Variants in GAREM2 observed in about 807,000 individuals in gnomAD.
GAREM2 encodes GRB2 associated regulator of MAPK1 subtype 2, also known as GRB2-associated and regulator of MAPK protein 2.
A neutral mutation model predicts 55.6 loss-of-function variants in GAREM2; 30 were observed. The ratio of observed to expected loss-of-function variants is 0.54; its 90% CI spans 0.40 to 0.73. GAREM2 has a LOEUF of 0.73. Among genes scored for constraint, GAREM2 ranks in the 30% least tolerant of loss-of-function variants. GAREM2 has a pLI of 0.00. For missense variants in GAREM2, 1,075 were observed against 1,257.7 expected, an observed-to-expected ratio of 0.85 and a Z score of 2.20; for synonymous variants, 550 against 569.1, an observed-to-expected ratio of 0.97 and a Z score of 0.48.
At chr2:26,185,316 A>G in intron 4 of GAREM2, 40 bp downstream of exon 4, 1 of 1,474,486 alleles carries the variant, frequency 6.8e-7, no homozygotes, top group Non-Finnish European at 8.9e-7. Flanking sequence ...GGGTCCAGCC[A>G]GGGCCCAAAG....
At position 26,187,687 on chromosome 2, in the gene GAREM2, C is replaced by G. The variant is rs1188417464; in HGVS notation, c.2055C>G (p.Pro685=). The G allele has an allele frequency of 6.7e-7, 1 of 1,496,030 alleles. No homozygotes were observed. Among genetic ancestry groups the G allele is most frequent in the South Asian group, 1.3e-5 (1 of 75,004 alleles). The allele number at this position is 1,496,030 out of a possible 1,614,324, so 92.7% of individuals were successfully genotyped here. A position where few individuals can be genotyped will look rare whatever the true frequency, so the allele number is the denominator to read the frequency against. ...CTGCTCCCCCCTCCTCCTGCGCCCC[C>G]TCCTCCTCCTCTTCTTCTGAATGGC... is the stretch of plus-strand genomic sequence containing the variant. ...YSAAPPSSCA[P]SSSSSSEWQE... Residue 685 remains proline (P), a synonymous_variant, in exon 6 of 6, where the codon CCC becomes CCG. Transcript: ENST00000401533.
intron 4 of GAREM2, 122 bp downstream of exon 4, chr2:26,185,398 G>A: frequency 7.4e-7 from 1 of 1,359,318 alleles, no homozygotes; most frequent in Non-Finnish European, 9.5e-7. Flanking sequence ...TGGGGAAGGG[G>A]AGAAGGAAAG....
At chr2:26,202,076 G>C in the GAREM2 span, among the ~76,000 whole-genome samples, 1 of 152,014 alleles carries the variant, frequency 6.6e-6, no homozygotes, top group African/African-American at 2.4e-5. Context: ...TGGGATTATA[G>C]GCGTGAGCCA....
At chr2:26,191,195 C>A (rs940093001), downstream of GAREM2, 5 of 1,559,284 alleles carry the variant, frequency 3.2e-6, no homozygotes, top group African/African-American at 5.4e-5. Flanking sequence ...GTTGGAGAAC[C>A]AGCACTGCCG....
downstream of GAREM2, among the ~76,000 whole-genome samples, chr2:26,193,020 G>C (rs1558314354): frequency 6.6e-6 from 1 of 152,116 alleles, no homozygotes; most frequent in Non-Finnish European, 1.5e-5. Flanking sequence ...TGATTTTGCT[G>C]TTTTGCCAAG....
downstream of GAREM2, chr2:26,190,661 T>G (rs1669464667): frequency 6.2e-6 from 1 of 160,302 alleles, no homozygotes; most frequent in Non-Finnish European, 1.4e-5. Flanking sequence ...AGGTTTAATA[T>G]CCCGGTACAC....
chr2:26,202,087 C>T, the GAREM2 span, among the ~76,000 whole-genome samples: 1 of 152,262 alleles, frequency 6.6e-6, no homozygotes, highest in East Asian at 1.9e-4. Flanking sequence ...GCGTGAGCCA[C>T]CGCGCCCAGC....
downstream of GAREM2, chr2:26,192,275 C>A (rs751176614): frequency 3.6e-6 from 4 of 1,103,500 alleles, no homozygotes; most frequent in Non-Finnish European, 5.6e-6. Context: ...CAGAGAAAGT[C>A]AATTTCCAGG....
chr2:26,178,494 G>C (rs57598158), intron 2 of GAREM2, among the ~76,000 whole-genome samples: 2,502 of 152,158 alleles, frequency 0.016, 84 homozygotes, highest in African/African-American at 0.057. Flanking sequence ...GAAGCCAGGT[G>C]GGGGGGATCC....
the GAREM2 span, among the ~76,000 whole-genome samples, chr2:26,196,648 CCTTA>C: frequency 6.6e-6 from 1 of 152,038 alleles, no homozygotes; most frequent in Non-Finnish European, 1.5e-5. Flanking sequence ...GTCTTTTTGG[CCTTA>C]CTTTTAAATG....
chr2:26,187,881 T>C lies in GAREM2; in HGVS notation c.2249T>C (p.Leu750Pro). Reference sequence around the variant, plus strand: ...GCCTTTGAGCCTGAAGGTTTGGTGCTGCACCAGGTCCCCACCCCACTGTCA... The same window carrying C: ...GCCTTTGAGCCTGAAGGTTTGGTGCCGCACCAGGTCCCCACCCCACTGTCA... ...SKAFEPEGLV[L>P]HQVPTPLSPA... Residue 750 changes from leucine to proline, a missense_variant, in exon 6 of 6, where the codon CTG (leucine) becomes CCG (proline). Physicochemically the swap from Leu to Pro is moderately conservative, Grantham distance 98. Coordinates refer to ENST00000401533, the MANE Select transcript of GAREM2 (RefSeq NM_001168241.2). 1.2e-5 allele frequency: 17 copies of C among 1,439,206 alleles called. No homozygotes were observed. Among genetic ancestry groups the C allele is most frequent in the Non-Finnish European group, 1.6e-5 (17 of 1,091,180 alleles). The allele number at this position is 1,439,206 out of a possible 1,614,324, so 89.2% of individuals were successfully genotyped here.
the GAREM2 span, among the ~76,000 whole-genome samples, chr2:26,196,205 C>T: frequency 5.9e-5 from 9 of 152,210 alleles, no homozygotes; most frequent in African/African-American, 1.7e-4. Context: ...CAGCATATGA[C>T]GGGGTGGGAT....
chr2:26,203,994 C>G, the GAREM2 span: 8 of 1,508,804 alleles, frequency 5.3e-6, no homozygotes, highest in Admixed American at 1.3e-4. Context: ...CACCAAGCCA[C>G]CACAAAAAAC....
intron 2 of GAREM2, among the ~76,000 whole-genome samples, chr2:26,177,408 C>T (rs1214295301): frequency 6.6e-6 from 1 of 152,250 alleles, no homozygotes; most frequent in Non-Finnish European, 1.5e-5. Flanking sequence ...GCCATTTCAT[C>T]CTCATGGCAA....
downstream of GAREM2, among the ~76,000 whole-genome samples, chr2:26,193,986 T>C (rs1479114767): frequency 6.6e-6 from 1 of 152,210 alleles, no homozygotes; most frequent in Non-Finnish European, 1.5e-5. Flanking sequence ...TACAGCACTT[T>C]AAGGACGTTT....
chr2:26,197,665 AGGGTTTTTCTCTGTTCC>A, the GAREM2 span: 17 of 1,010,444 alleles, frequency 1.7e-5, no homozygotes, highest in Non-Finnish European at 2.7e-5. Context: ...AAAACATCTC[AGGGTTTTTCTCTGTTCC>A]GAGTTTACCT....
At chr2:26,191,619 G>A (rs377688807), downstream of GAREM2, 119 of 1,613,950 alleles carry the variant, frequency 7.4e-5, 1 homozygote, top group South Asian at 3.7e-4. Flanking sequence ...GGATGTCTTC[G>A]TCTGATGAGC....
In GAREM2 at chr2:26,184,803, A is replaced by C. The variant is rs1246958448; in HGVS notation, c.955A>C (p.Thr319Pro). The C allele has an allele frequency of 6.7e-7, 1 of 1,493,218 alleles. No individual in the cohort carries two copies. Among genetic ancestry groups the C allele is most frequent in the Non-Finnish European group, 8.9e-7 (1 of 1,129,198 alleles). The allele number at this position is 1,493,218 out of a possible 1,614,324, so 92.5% of individuals were successfully genotyped here. Residue 319 changes from threonine to proline, a missense_variant, in exon 4 of 6, where the codon ACG (threonine) becomes CCG (proline). Thr to Pro is a conservative substitution (Grantham distance 38). Transcript: ENST00000401533. Reference sequence around the variant, plus strand: ...GGCGCCGCTGCACTTCCTGCTGCTCACGGACACGCCGCGCTTCGCGCTGCC... The same window carrying C: ...GGCGCCGCTGCACTTCCTGCTGCTCCCGGACACGCCGCGCTTCGCGCTGCC... ...GPAPLHFLLL[T>P]DTPRFALPQG...
At chr2:26,182,639 G>C in intron 2 of GAREM2, 1 of 848,962 alleles carries the variant, frequency 1.2e-6, no homozygotes, top group Non-Finnish European at 1.9e-6. Context: ...TAGTTGATCA[G>C]AGGCCAGCTG....
Sources: gnomAD v4.1 joint callset for allele counts (sites outside exome capture counted in the v4.1 genomes callset) on GRCh38, gnomAD v4.1.1 for gene constraint, MANE v1.5 for transcripts, NCBI Gene and HGNC (gene_info 2026-07-23, HGNC 2026-07-21) for gene names.